CENPP: variants seen among roughly 807,000 people sequenced by gnomAD.
The protein encoded by CENPP is centromere protein P.
In CENPP, 24 loss-of-function variants were observed where a neutral mutation model predicts 35.6. The observed-to-expected ratio is 0.67, with a 90% confidence interval of 0.49 to 0.95. The LOEUF is 0.95. CENPP is among the 40% of genes least tolerant of loss of function. CENPP has a pLI of 0.00. For synonymous variants in CENPP, 120 were observed against 125.5 expected, an observed-to-expected ratio of 0.96 and a Z score of 0.29; for missense variants, 332 against 345.3, an observed-to-expected ratio of 0.96 and a Z score of 0.31.
At chr9:92,339,108 A>G (rs1841025852) in intron 3 of CENPP, among the ~76,000 whole-genome samples, 1 of 152,222 alleles carries the variant, frequency 6.6e-6, no homozygotes, top group South Asian at 2.1e-4. Context: ...AAGAGGAGGA[A>G]CAGAACAGGG....
chr9:92,400,541 T>C (rs1588100739), intron 5 of CENPP, among the ~76,000 whole-genome samples: 1 of 152,342 alleles, frequency 6.6e-6, no homozygotes, highest in East Asian at 1.9e-4. Context: ...TTTCATTTTA[T>C]TTTAGAAATA....
intron 5 of CENPP, among the ~76,000 whole-genome samples, chr9:92,603,237 G>A (rs947210360): frequency 6.6e-6 from 1 of 152,202 alleles, no homozygotes; most frequent in Admixed American, 6.5e-5. Flanking sequence ...CCAGGGCCCC[G>A]GCAGTACCTG....
intron 5 of CENPP, among the ~76,000 whole-genome samples, chr9:92,578,261 C>T (rs1419555265): frequency 2.0e-5 from 3 of 151,998 alleles, no homozygotes; most frequent in Non-Finnish European, 4.4e-5. Context: ...AGTAAACATA[C>T]GTGTGCATGT....
chr9:92,528,550 A>G lies in CENPP; in HGVS notation c.565-82764A>G, dbSNP rs1588237147. Among the ~76,000 whole-genome samples the G allele has an allele frequency of 7.8e-5, 5 of 64,132 alleles. 1 individual carries two copies. The highest frequency in any genetic ancestry group is 6.1e-4 in the Admixed American group (5 of 8,166). 42.1% of individuals were successfully genotyped at this position (64,132 alleles called of 152,430 possible). A position where few individuals can be genotyped will look rare whatever the true frequency, so the allele number is the denominator to read the frequency against. ...AACCTAAAGGACAAAGGGGAAAACA[A>G]AGCAAAACAAAACAAAAAAAACAGG... On this transcript the variant is annotated intron_variant, in intron 5 of 7. Coordinates refer to ENST00000375587, the MANE Select transcript of CENPP (RefSeq NM_001012267.3).
intron 5 of CENPP, among the ~76,000 whole-genome samples, chr9:92,587,008 C>T (rs183663264): frequency 1.7e-4 from 10 of 58,966 alleles, no homozygotes; most frequent in African/African-American, 6.0e-4. Flanking sequence ...GGGGCGGGGG[C>T]GGGGGCACAT....
intron 5 of CENPP, chr9:92,496,377 A>G (rs1846344735): frequency 1.2e-6 from 2 of 1,608,578 alleles, no homozygotes; most frequent in South Asian, 2.2e-5. Context: ...GAAAATGTGT[A>G]AGATGGTATT....
chr9:92,420,285 C>A (rs1470969836), intron 5 of CENPP, among the ~76,000 whole-genome samples: 1 of 152,180 alleles, frequency 6.6e-6, no homozygotes, highest in Non-Finnish European at 1.5e-5. Flanking sequence ...TCATCCATAC[C>A]TCCCAACATT....
intron 4 of CENPP, among the ~76,000 whole-genome samples, chr9:92,354,412 A>G (rs1274953189): frequency 6.6e-6 from 1 of 152,116 alleles, no homozygotes; most frequent in East Asian, 1.9e-4. Context: ...CGTAACCTCC[A>G]TCCCTGCCAC....
chr9:92,470,531 CG>C, intron 5 of CENPP: 2 of 506,816 alleles, frequency 3.9e-6, no homozygotes, highest in Non-Finnish European at 6.8e-6. Flanking sequence ...TTGACTAGAA[CG>C]CTGTTGAATG....
intron 5 of CENPP, among the ~76,000 whole-genome samples, chr9:92,395,563 G>A (rs1296039474): frequency 6.6e-6 from 1 of 152,234 alleles, no homozygotes; most frequent in East Asian, 1.9e-4. Context: ...ATAAATGTAT[G>A]TTTTATCTTT....
At chr9:92,361,489 T>C (rs1305414171) in intron 4 of CENPP, among the ~76,000 whole-genome samples, 20 of 91,584 alleles carry the variant, frequency 2.2e-4, no homozygotes, top group African/African-American at 8.1e-4. Flanking sequence ...TTTTATTTTA[T>C]TTTATTTTGA....
chr9:92,438,952 G>T (rs1844314589), intron 5 of CENPP, among the ~76,000 whole-genome samples: 1 of 152,202 alleles, frequency 6.6e-6, no homozygotes, highest in African/African-American at 2.4e-5. Flanking sequence ...CTCCATCTCA[G>T]TCAATCAATC....
intron 5 of CENPP, among the ~76,000 whole-genome samples, chr9:92,500,329 C>T (rs1424450075): frequency 2.0e-5 from 3 of 152,000 alleles, no homozygotes; most frequent in Admixed American, 6.5e-5. Flanking sequence ...ATTACAGACA[C>T]GCACCACCAC....
chr9:92,441,890 C>T (rs1303216867), intron 5 of CENPP, among the ~76,000 whole-genome samples: 1 of 152,048 alleles, frequency 6.6e-6, no homozygotes, highest in Non-Finnish European at 1.5e-5. Context: ...TGAACATTTG[C>T]TGGGTTTGAT....
At chr9:92,516,071 T>C (rs528311989) in intron 5 of CENPP, among the ~76,000 whole-genome samples, 5 of 140,328 alleles carry the variant, frequency 3.6e-5, no homozygotes, top group Admixed American at 1.4e-4. Flanking sequence ...ATACTTTTTT[T>C]TCCCCCCCCC....
At chr9:92,597,205 T>C (rs1255131527) in intron 5 of CENPP, among the ~76,000 whole-genome samples, 1 of 152,172 alleles carries the variant, frequency 6.6e-6, no homozygotes, top group African/African-American at 2.4e-5. Flanking sequence ...CTTAGTTTCA[T>C]TAAAATGAGC....
At chr9:92,339,578 C>T (rs1285298325) in intron 3 of CENPP, 1 of 152,232 alleles carries the variant, frequency 6.6e-6, no homozygotes, top group Non-Finnish European at 1.5e-5. Flanking sequence ...TGTAGTATAG[C>T]ATTGCCTAGG....
intron 1 of CENPP, among the ~76,000 whole-genome samples, chr9:92,326,797 A>T (rs1316704539): frequency 6.6e-6 from 1 of 152,238 alleles, no homozygotes; most frequent in Admixed American, 6.5e-5. Flanking sequence ...ATGTATTATC[A>T]TCTCAAACAT....
At chr9:92,432,535 C>G (rs1193323983) in intron 5 of CENPP, among the ~76,000 whole-genome samples, 1 of 152,072 alleles carries the variant, frequency 6.6e-6, no homozygotes, top group Non-Finnish European at 1.5e-5. Flanking sequence ...ACAAAACTAG[C>G]AGATGTTGTA....
Sources: allele counts gnomAD v4.1 joint callset (sites outside exome capture counted in the v4.1 genomes callset), GRCh38; gene constraint gnomAD v4.1.1; transcripts MANE v1.5; gene names NCBI Gene and HGNC (gene_info 2026-07-23, HGNC 2026-07-21).